MEF2C: variants seen among roughly 807,000 people sequenced by gnomAD.
The protein encoded by MEF2C is myocyte-specific enhancer factor 2C.
In MEF2C, 6 loss-of-function variants were observed where a neutral mutation model predicts 50.5. The ratio of observed to expected loss-of-function variants is 0.12; its 90% confidence interval spans 0.07 to 0.23. The LOEUF (loss-of-function observed/expected upper bound fraction) is 0.23. Ranked by LOEUF, MEF2C falls within the 10% of genes least tolerant of loss-of-function variation. The probability of loss-of-function intolerance (pLI) is 1.00; values close to 1 mark genes in which losing one functional copy is unlikely to be tolerated. For synonymous variants in MEF2C, 183 were observed against 228.0 expected, an observed-to-expected ratio of 0.80 and a Z score of 1.78; for missense variants, 276 against 605.0, an observed-to-expected ratio of 0.46 and a Z score of 5.70.
intron 6 of MEF2C, among the ~76,000 whole-genome samples, chr5:88,747,355 T>TATATC (rs1372519830): frequency 1.6e-4 from 3 of 18,534 alleles, no homozygotes; most frequent in Non-Finnish European, 2.3e-4. Flanking sequence ...TTTTTTTTTT[T>TATATC]TTTTTTTTTT....
chr5:88,861,508 C>T (rs949629494), intron 1 of MEF2C, among the ~76,000 whole-genome samples: 6 of 152,174 alleles, frequency 3.9e-5, no homozygotes, highest in African/African-American at 1.4e-4. Flanking sequence ...TGAGCTAATT[C>T]ACCTGAGAGA....
chr5:88,768,121 A>G (rs1287857776), intron 3 of MEF2C, among the ~76,000 whole-genome samples: 2 of 152,148 alleles, frequency 1.3e-5, no homozygotes, highest in Non-Finnish European at 2.9e-5. Context: ...TCCTTCATTC[A>G]GGCACTCATT....
At chr5:88,728,733 T>C (rs1760029297) in intron 9 of MEF2C, 105 bp from the exon 10 acceptor site, 1 of 817,786 alleles carries the variant, frequency 1.2e-6, no homozygotes, top group Non-Finnish European at 1.7e-6. Context: ...ATTAGGATTA[T>C]CGTTATTATA....
intron 3 of MEF2C, among the ~76,000 whole-genome samples, chr5:88,779,650 GA>G (rs1786778829): frequency 6.6e-6 from 1 of 151,708 alleles, no homozygotes. Context: ...CAGAACATCT[GA>G]AAGAATCTTC....
intron 1 of MEF2C, among the ~76,000 whole-genome samples, chr5:88,841,029 G>C (rs1817147613): frequency 6.6e-6 from 1 of 152,052 alleles, no homozygotes; most frequent in African/African-American, 2.4e-5. Context: ...GGATTTCATG[G>C]CAATATTTCC....
intron 3 of MEF2C, among the ~76,000 whole-genome samples, chr5:88,790,645 C>A (rs1460137325): frequency 6.6e-6 from 1 of 152,010 alleles, no homozygotes; most frequent in Non-Finnish European, 1.5e-5. Flanking sequence ...ATTTTTGATG[C>A]AAAACAACAT....
chr5:88,847,052 G>A (rs751331354), intron 1 of MEF2C, among the ~76,000 whole-genome samples: 1 of 152,170 alleles, frequency 6.6e-6, no homozygotes, highest in Admixed American at 6.5e-5. Flanking sequence ...AATGTCACTG[G>A]AACATGGAGT....
chr5:88,742,352 C>T (rs1767222157), intron 6 of MEF2C: 2 of 984,952 alleles, frequency 2.0e-6, no homozygotes, highest in Non-Finnish European at 2.4e-6. Context: ...GAAAAAAAGA[C>T]AAATTCTGAA....
At chr5:88,756,870 A>C (rs601499) in intron 4 of MEF2C, among the ~76,000 whole-genome samples, 73,825 of 151,912 alleles carry the variant, frequency 0.49, 19,312 homozygotes, top group East Asian at 0.58. Context: ...CCAGGCTCCA[A>C]CTTTTACAAA....
At chr5:88,760,891 C>T in intron 4 of MEF2C, 1 of 1,363,746 alleles carries the variant, frequency 7.3e-7, no homozygotes, top group East Asian at 2.3e-5. Flanking sequence ...ATCTGTTTGA[C>T]TTTCCGAAGA....
intron 10 of MEF2C, among the ~76,000 whole-genome samples, chr5:88,725,574 G>A (rs61484190): frequency 0.086 from 13,027 of 152,044 alleles, 931 homozygotes; most frequent in African/African-American, 0.19. Context: ...TGATAAAGAG[G>A]TGGGTGGGGA....
intron 1 of MEF2C, among the ~76,000 whole-genome samples, chr5:88,875,320 T>G (rs1004524003): frequency 6.6e-6 from 1 of 152,042 alleles, no homozygotes; most frequent in African/African-American, 2.4e-5. Context: ...AATAATCATT[T>G]AAAGTGTGGG....
chr5:88,890,752 GA>G (rs1291444358), intron 1 of MEF2C, among the ~76,000 whole-genome samples: 1 of 152,216 alleles, frequency 6.6e-6, no homozygotes, highest in Admixed American at 6.5e-5. Context: ...ACTAGTGTGA[GA>G]AGCTTTAAAG....
At chr5:88,835,355 T>C (rs1290921340) in intron 1 of MEF2C, among the ~76,000 whole-genome samples, 2 of 152,200 alleles carry the variant, frequency 1.3e-5, no homozygotes, top group African/African-American at 2.4e-5. Flanking sequence ...GTCAGCAGTA[T>C]TTGAAAATCC....
chr5:88,847,685 A>G (rs1819816710), intron 1 of MEF2C, among the ~76,000 whole-genome samples: 1 of 151,916 alleles, frequency 6.6e-6, no homozygotes, highest in Non-Finnish European at 1.5e-5. Flanking sequence ...CTTTTTTTTC[A>G]CTTAGTAACT....
At chr5:88,853,500 C>T (rs570771523) in intron 1 of MEF2C, among the ~76,000 whole-genome samples, 1 of 152,270 alleles carries the variant, frequency 6.6e-6, no homozygotes, top group South Asian at 2.1e-4. Flanking sequence ...TTGTAAACTG[C>T]CTGCAAAAGT....
At chr5:88,773,273 A>C (rs1013720713) in intron 3 of MEF2C, among the ~76,000 whole-genome samples, 1 of 152,214 alleles carries the variant, frequency 6.6e-6, no homozygotes, top group Non-Finnish European at 1.5e-5. Flanking sequence ...AAATGGAATT[A>C]CAATGAAATC....
rs1327456949 is a variant in MEF2C at position 88,749,138 on chromosome 5, T to G, written c.590-21A>C. 3 of 1,553,654 alleles carry G rather than the reference T, an allele frequency of 1.9e-6. No homozygotes were observed. In the South Asian group the frequency reaches 3.7e-5, roughly 19 times the overall value. On this transcript the variant is annotated intron_variant, in intron 5 of 10. Coordinates refer to ENST00000504921, the MANE Select transcript of MEF2C (RefSeq NM_002397.5). ...ACCACCTATGGATTAAAGAGGAAGA[T>G]CAAAACGAGAAAGGCTAAAGGCCCA...
chr5:88,804,442 G>A (rs1277886928), intron 3 of MEF2C, 156 bp downstream of exon 3: 4 of 627,502 alleles, frequency 6.4e-6, no homozygotes, highest in Non-Finnish European at 1.1e-5. Context: ...AGAAAAGGTG[G>A]AGTAAGAGTT....
Sources: gnomAD v4.1 joint callset for allele counts (sites outside exome capture counted in the v4.1 genomes callset) on GRCh38, gnomAD v4.1.1 for gene constraint, MANE v1.5 for transcripts, NCBI Gene and HGNC (gene_info 2026-07-23, HGNC 2026-07-21) for gene names.